The following GMPPA variants were observed in gnomAD, a reference collection of about 807,000 sequenced individuals.
GMPPA encodes mannose-1-phosphate guanylyltransferase regulatory subunit alpha.
A neutral mutation model predicts 58.6 loss-of-function variants in GMPPA; 46 were observed. The ratio of observed to expected loss-of-function variants is 0.78; its 90% CI spans 0.62 to 1.00. GMPPA has a LOEUF of 1.00. GMPPA is among the 50% of genes least tolerant of loss of function. The pLI is 0.00. For missense variants in GMPPA, 468 were observed against 556.4 expected, an observed-to-expected ratio of 0.84 and a Z score of 1.60; for synonymous variants, 211 against 214.9, an observed-to-expected ratio of 0.98 and a Z score of 0.16.
intron 7 of GMPPA, chr2:219,505,001 C>A: frequency 1.1e-6 from 1 of 877,834 alleles, no homozygotes; most frequent in South Asian, 2.2e-5. Context: ...GGGAAGCAGG[C>A]CTCTGCCTGG....
chr2:219,505,192 TG>T (rs749046256), intron 7 of GMPPA, 35 bp from the exon 8 acceptor site: 35 of 1,607,716 alleles, frequency 2.2e-5, no homozygotes, highest in Non-Finnish European at 2.9e-5. Flanking sequence ...GGGGCTCAGC[TG>T]GGGGACTAAT....
chr2:219,503,111 G>A (rs1360785546), intron 6 of GMPPA, among the ~76,000 whole-genome samples: 1 of 151,806 alleles, frequency 6.6e-6, no homozygotes, highest in Non-Finnish European at 1.5e-5. Flanking sequence ...TGGGACTATA[G>A]GCATGAGCCA....
chr2:219,505,014 C>A, intron 7 of GMPPA: 1 of 855,082 alleles, frequency 1.2e-6, no homozygotes, highest in Non-Finnish European at 1.7e-6. Context: ...CTGCCTGGGG[C>A]TCCCTTGTGA....
At position 219,501,845 on chromosome 2, in the gene GMPPA, G is replaced by A. The variant is rs1694405085; in HGVS notation, c.243-6G>A. 1 of 1,613,516 alleles carries A rather than the reference G, an allele frequency of 6.2e-7. No individual in the cohort carries two copies. Reference sequence around the variant, plus strand: ...ACTGAGCTGGCTCTCGGGTCCCTGGGGACAGGTACCTGCAGGAATTTGCCC... The same window carrying A: ...ACTGAGCTGGCTCTCGGGTCCCTGGAGACAGGTACCTGCAGGAATTTGCCC... On this transcript the variant is annotated splice_polypyrimidine_tract_variant and splice_region_variant and intron_variant, in intron 4 of 12. Transcript: ENST00000313597.
At chr2:219,506,148 A>G in intron 11 of GMPPA, 76 bp downstream of exon 11, 1 of 1,465,918 alleles carries the variant, frequency 6.8e-7, no homozygotes, top group East Asian at 2.3e-5. Flanking sequence ...CCCCAAGAAC[A>G]GAGAAGGGTG....
chr2:219,506,114 G>C (rs1275612676), intron 11 of GMPPA, 42 bp downstream of exon 11: 1 of 1,480,364 alleles, frequency 6.8e-7, no homozygotes, highest in Non-Finnish European at 9.3e-7. Flanking sequence ...ACCCCAAGAG[G>C]CTGCGGGGAG....
Position 219,501,842 on chromosome 2 carries a change from T to C in GMPPA, c.243-9T>C. On this transcript the variant is annotated splice_polypyrimidine_tract_variant and intron_variant, in intron 4 of 12. Coordinates refer to ENST00000313597, the MANE Select transcript of GMPPA (RefSeq NM_013335.4). Reference sequence around the variant, plus strand: ...TCCACTGAGCTGGCTCTCGGGTCCCTGGGGACAGGTACCTGCAGGAATTTG... The same window carrying C: ...TCCACTGAGCTGGCTCTCGGGTCCCCGGGGACAGGTACCTGCAGGAATTTG... 2 of 1,613,404 alleles carry C rather than the reference T, an allele frequency of 1.2e-6. No individual in the cohort carries two copies. The highest frequency in any genetic ancestry group is 1.7e-6 in the Non-Finnish European group (2 of 1,179,398).
At position 219,506,681 on chromosome 2, in the gene GMPPA, C is replaced by T. The variant is rs372766900; in HGVS notation, c.1163-17C>T. The T allele has an allele frequency of 7.5e-6, 11 of 1,462,166 alleles. No individual in the cohort carries two copies. The South Asian group carries it at 1.0e-4, about 14-fold the overall frequency. 90.6% of individuals were successfully genotyped at this position (1,462,166 alleles called of 1,614,324 possible). A position where few individuals can be genotyped will look rare whatever the true frequency, so the allele number is the denominator to read the frequency against. Reference sequence around the variant, plus strand: ...CCCCTCCCATGACCTCCCCTGGTGCCCTCATCCATGCTGCAGGCTGCCGAG... The same window carrying T: ...CCCCTCCCATGACCTCCCCTGGTGCTCTCATCCATGCTGCAGGCTGCCGAG... On this transcript the variant is annotated splice_polypyrimidine_tract_variant and intron_variant, in intron 12 of 12. Transcript: ENST00000313597.
chr2:219,503,050 C>T lies in GMPPA; in HGVS notation c.489+609C>T, dbSNP rs1382546447. Among the ~76,000 whole-genome samples the T allele has an allele frequency of 2.0e-5, 3 of 152,086 alleles. No individual in the cohort carries two copies. The East Asian group carries it at 5.8e-4, about 29-fold the overall frequency. On this transcript the variant is annotated intron_variant, in intron 6 of 12. Transcript: ENST00000313597. ...GTGGCATGATCTTGGGTCACTGCAT[C>T]CTCGACCTCCCAGGTTTAAGCCATC...
Position 219,499,958 on chromosome 2 carries a change from T to A in GMPPA, c.-18T>A. The A allele has an allele frequency of 6.2e-7, 1 of 1,612,510 alleles. No individual in the cohort carries two copies. Among genetic ancestry groups the A allele is most frequent in the Non-Finnish European group, 8.5e-7 (1 of 1,178,596 alleles). On this transcript the variant is annotated splice_region_variant and 5_prime_UTR_variant, in exon 2 of 13. Transcript: ENST00000313597. Reference sequence around the variant, plus strand: ...GATTTCTCTGTTGGAATTTGAAGTTTAGGTAGCAGTCACCATTATGCTCAA... The same window carrying A: ...GATTTCTCTGTTGGAATTTGAAGTTAAGGTAGCAGTCACCATTATGCTCAA...
chr2:219,506,225 C>T (rs370554538), intron 11 of GMPPA, 29 bp from the exon 12 acceptor site: 44 of 1,587,422 alleles, frequency 2.8e-5, no homozygotes, highest in Non-Finnish European at 3.6e-5. Context: ...CTGCCTCTTC[C>T]CCTTACCTTT....
intron 3 of GMPPA, 103 bp downstream of exon 3, chr2:219,500,321 G>T: frequency 2.7e-6 from 2 of 727,590 alleles, no homozygotes; most frequent in Non-Finnish European, 4.9e-6. Flanking sequence ...TAACTCCAAG[G>T]ACCATCATTC....
chr2:219,500,960 C>T (rs1269210004), intron 3 of GMPPA: 2 of 155,894 alleles, frequency 1.3e-5, no homozygotes, highest in African/African-American at 4.8e-5. Flanking sequence ...TAGCTCATGT[C>T]TGTAATCCCA....
At chr2:219,504,062 C>T (rs901499560) in intron 6 of GMPPA, 21 bp from the exon 7 acceptor site, 7 of 1,613,750 alleles carry the variant, frequency 4.3e-6, no homozygotes, top group Non-Finnish European at 5.9e-6. Context: ...TTCTACTGAA[C>T]CCAGCCTGCT....
chr2:219,502,149 G>T lies in GMPPA; in HGVS notation c.429+112G>T, dbSNP rs1325921071. The T allele has an allele frequency of 6.3e-6, 7 of 1,104,466 alleles. No homozygotes were observed. The East Asian group carries it at 1.7e-4, about 26-fold the overall frequency. 68.4% of individuals were successfully genotyped at this position (1,104,466 alleles called of 1,614,324 possible). On this transcript the variant is annotated intron_variant, in intron 5 of 12. Coordinates refer to ENST00000313597, the MANE Select transcript of GMPPA (RefSeq NM_013335.4). The surrounding 1 kb of genome is among the most constrained non-coding windows in gnomAD (Gnocchi z 4.0). ...CCCGGGAGTTGGTGTGGGAGCTGGC[G>T]TCAGGAGGGAGATGCGCTGCTCTGG... is the stretch of plus-strand genomic sequence containing the variant.
chr2:219,501,701 G>A (rs1363901534), intron 4 of GMPPA, 122 bp downstream of exon 4: 1 of 899,506 alleles, frequency 1.1e-6, no homozygotes, highest in East Asian at 2.4e-5. Flanking sequence ...ATTCTTGTTT[G>A]GACATCAATG....
chr2:219,505,494 A>G lies in GMPPA; in HGVS notation c.792A>G (p.Arg264=). The G allele has an allele frequency of 6.3e-7, 1 of 1,580,104 alleles. No individual in the cohort carries two copies. The highest frequency in any genetic ancestry group is 8.6e-7 in the Non-Finnish European group (1 of 1,162,884). The part of the protein sequence containing the change: ...ALYASRLYLS[R]YQDTHPERLA... Reference sequence around the variant, plus strand: ...ACGCCTCCCGCCTCTACCTGAGCCGATACCAGGACACTCACCCAGAACGGC... The same window carrying G: ...ACGCCTCCCGCCTCTACCTGAGCCGGTACCAGGACACTCACCCAGAACGGC... The change falls in exon 9 of 13, where the codon CGA becomes CGG. Residue 264 remains arginine (R), a synonymous_variant. Coordinates refer to ENST00000313597, the MANE Select transcript of GMPPA (RefSeq NM_013335.4).
intron 3 of GMPPA, 161 bp downstream of exon 3, chr2:219,500,379 GC>G: frequency 1.6e-6 from 1 of 623,152 alleles, no homozygotes; most frequent in East Asian, 2.7e-5. Flanking sequence ...CTGTGCAGCT[GC>G]CCTGCTGTCT....
At position 219,499,942 on chromosome 2, in the gene GMPPA, G is replaced by A. The variant is rs1694329992; in HGVS notation, c.-20-14G>A. 1 of 1,607,548 alleles carries A rather than the reference G, an allele frequency of 6.2e-7. No individual in the cohort carries two copies. The highest frequency in any genetic ancestry group is 1.1e-5 in the South Asian group (1 of 90,940). Reference sequence around the variant, plus strand: ...TAGGAGATCTGAGCTTGATTTCTCTGTTGGAATTTGAAGTTTAGGTAGCAG... The same window carrying A: ...TAGGAGATCTGAGCTTGATTTCTCTATTGGAATTTGAAGTTTAGGTAGCAG... On this transcript the variant is annotated splice_polypyrimidine_tract_variant and intron_variant, in intron 1 of 12. Transcript: ENST00000313597.
Sources: allele counts gnomAD v4.1 joint callset (sites outside exome capture counted in the v4.1 genomes callset), GRCh38; gene constraint gnomAD v4.1.1; non-coding constraint Gnocchi (gnomAD v3.1); transcripts MANE v1.5; gene names NCBI Gene and HGNC (gene_info 2026-07-23, HGNC 2026-07-21).